The following SLC9A9 variants were observed in gnomAD, a reference collection of about 807,000 sequenced individuals.
SLC9A9 encodes the protein solute carrier family 9 member A9, also known as sodium/hydrogen exchanger 9.
A neutral mutation model predicts 77.8 loss-of-function variants in SLC9A9; 62 were observed. The observed-to-expected ratio is 0.80, with a 90% CI of 0.65 to 0.98. The LOEUF (loss-of-function observed/expected upper bound fraction) is 0.98. Ranked by LOEUF, SLC9A9 falls within the 50% of genes least tolerant of loss-of-function variation. SLC9A9 has a pLI of 0.00. For missense variants in SLC9A9, 775 were observed against 774.9 expected (o/e 1.00, Z 0.00); for synonymous variants, 320 against 283.5 (o/e 1.13, Z -1.29).
At chr3:143,491,659 C>A (rs529046159) in intron 11 of SLC9A9, among the ~76,000 whole-genome samples, 12 of 152,170 alleles carry the variant, frequency 7.9e-5, no homozygotes, top group Non-Finnish European at 1.8e-4. Context: ...GGTGCGAAAG[C>A]CTGGAGAAAC....
intron 12 of SLC9A9, among the ~76,000 whole-genome samples, chr3:143,402,199 A>T (rs946467500): frequency 1.1e-4 from 16 of 152,180 alleles, no homozygotes; most frequent in East Asian, 1.9e-4. Context: ...CAGTTTTTTT[A>T]AAAAAATTTA....
intron 12 of SLC9A9, among the ~76,000 whole-genome samples, chr3:143,422,902 A>G: frequency 6.6e-6 from 1 of 152,182 alleles, no homozygotes; most frequent in East Asian, 1.9e-4. Context: ...TTTACAGATG[A>G]AAAATGGCAA....
At chr3:143,829,610 C>T (rs1015050604) in intron 2 of SLC9A9, among the ~76,000 whole-genome samples, 1 of 152,114 alleles carries the variant, frequency 6.6e-6, no homozygotes, top group African/African-American at 2.4e-5. Context: ...ATCCATTATA[C>T]GTTGGTCTTA....
At chr3:143,763,330 C>T (rs2007197712) in intron 4 of SLC9A9, among the ~76,000 whole-genome samples, 1 of 152,144 alleles carries the variant, frequency 6.6e-6, no homozygotes, top group Non-Finnish European at 1.5e-5. Context: ...CATCCCTCTA[C>T]TTTTTTCATC....
intron 7 of SLC9A9, among the ~76,000 whole-genome samples, chr3:143,576,214 C>T (rs2037356098): frequency 6.6e-6 from 1 of 152,248 alleles, no homozygotes; most frequent in Non-Finnish European, 1.5e-5. Context: ...AGTTGTTTAA[C>T]TTTAATTGTC....
chr3:143,651,627 G>T (rs1254995802), intron 6 of SLC9A9, among the ~76,000 whole-genome samples: 1 of 152,176 alleles, frequency 6.6e-6, no homozygotes, highest in Non-Finnish European at 1.5e-5. Flanking sequence ...CACTGAAGTG[G>T]CATTTATTAA....
At chr3:143,491,326 C>A (rs1027927237) in intron 11 of SLC9A9, among the ~76,000 whole-genome samples, 1 of 152,034 alleles carries the variant, frequency 6.6e-6, no homozygotes, top group African/African-American at 2.4e-5. Flanking sequence ...GGTAAGGATG[C>A]TTTAGAATAG....
chr3:143,823,916 T>C (rs1482154129), intron 2 of SLC9A9, among the ~76,000 whole-genome samples: 5 of 152,186 alleles, frequency 3.3e-5, no homozygotes, highest in South Asian at 2.1e-4. Context: ...TAAAAAATTC[T>C]AGTTTGATAT....
At chr3:143,517,472 C>T (rs947260962) in intron 9 of SLC9A9, 15 of 1,597,706 alleles carry the variant, frequency 9.4e-6, no homozygotes, top group Admixed American at 3.3e-5. Flanking sequence ...CTTCTTAACT[C>T]GTTCTGTTCT....
At chr3:143,787,272 C>T (rs1032413231) in intron 4 of SLC9A9, among the ~76,000 whole-genome samples, 4 of 152,042 alleles carry the variant, frequency 2.6e-5, no homozygotes, top group Non-Finnish European at 5.9e-5. Flanking sequence ...AATATATAGA[C>T]GATATACACA....
intron 11 of SLC9A9, among the ~76,000 whole-genome samples, chr3:143,471,186 C>T (rs575717630): frequency 6.6e-4 from 101 of 152,264 alleles, no homozygotes; most frequent in African/African-American, 2.0e-3. Context: ...ACTGGAAGCA[C>T]GGGGCTGAGA....
At chr3:143,602,271 A>G (rs979416666) in intron 6 of SLC9A9, among the ~76,000 whole-genome samples, 1 of 152,176 alleles carries the variant, frequency 6.6e-6, no homozygotes, top group Admixed American at 6.5e-5. Flanking sequence ...CCCAGTCTGG[A>G]GCAAAGAGCC....
At chr3:143,648,813 T>TA (rs2038748351) in intron 6 of SLC9A9, among the ~76,000 whole-genome samples, 1 of 152,196 alleles carries the variant, frequency 6.6e-6, no homozygotes, top group Admixed American at 6.5e-5. Flanking sequence ...CTATGAAAGT[T>TA]ACTAAAATTT....
intron 8 of SLC9A9, among the ~76,000 whole-genome samples, chr3:143,568,712 T>C (rs2037211150): frequency 6.6e-6 from 1 of 152,168 alleles, no homozygotes; most frequent in South Asian, 2.1e-4. Context: ...TCGAACGATA[T>C]TTATTTTGTG....
chr3:143,315,898 G>C (rs2031194723), intron 14 of SLC9A9, among the ~76,000 whole-genome samples: 1 of 152,216 alleles, frequency 6.6e-6, no homozygotes, highest in African/African-American at 2.4e-5. Flanking sequence ...GCCTGATCTG[G>C]AGAGAAAGTT....
intron 6 of SLC9A9, among the ~76,000 whole-genome samples, chr3:143,604,150 C>T (rs1412243845): frequency 3.9e-5 from 6 of 152,138 alleles, no homozygotes; most frequent in Non-Finnish European, 8.8e-5. Context: ...CTATTTTGTG[C>T]CAGATACACA....
At chr3:143,516,609 T>C (rs2036207132) in intron 9 of SLC9A9, among the ~76,000 whole-genome samples, 1 of 152,208 alleles carries the variant, frequency 6.6e-6, no homozygotes, top group Non-Finnish European at 1.5e-5. Flanking sequence ...TACATAAATC[T>C]GCTTTTAAAA....
intron 4 of SLC9A9, among the ~76,000 whole-genome samples, chr3:143,740,788 C>T (rs1306392474): frequency 2.6e-5 from 4 of 152,074 alleles, no homozygotes; most frequent in South Asian, 4.2e-4. Flanking sequence ...AGACTAAAGC[C>T]AAAGGGAACT....
At chr3:143,400,858 G>A (rs1246896344) in intron 12 of SLC9A9, among the ~76,000 whole-genome samples, 5 of 152,104 alleles carry the variant, frequency 3.3e-5, no homozygotes, top group African/African-American at 9.7e-5. Flanking sequence ...TGCAAGTGCT[G>A]AGCATTTGTA....
Sources: gnomAD v4.1 joint callset for allele counts (sites outside exome capture counted in the v4.1 genomes callset) on GRCh38, gnomAD v4.1.1 for gene constraint, MANE v1.5 for transcripts, NCBI Gene and HGNC (gene_info 2026-07-23, HGNC 2026-07-21) for gene names.